The following ZBTB20 variants were observed in gnomAD, a reference collection of about 807,000 sequenced individuals.
ZBTB20 encodes zinc finger and BTB domain containing 20.
In ZBTB20, 9 loss-of-function variants were observed where a neutral mutation model predicts 56.9. The observed-to-expected ratio is 0.16, with a 90% CI of 0.10 to 0.28. The LOEUF (loss-of-function observed/expected upper bound fraction) is 0.28, where lower values mean the gene tolerates loss of function less well. ZBTB20 is among the 10% of genes least tolerant of loss of function. The pLI is 1.00. For synonymous variants in ZBTB20, 417 were observed against 420.7 expected, an observed-to-expected ratio of 0.99 and a Z score of 0.11; for missense variants, 655 against 1,003.0, an observed-to-expected ratio of 0.65 and a Z score of 4.69.
At chr3:114,706,044 C>T (rs2063698355) in intron 5 of ZBTB20, among the ~76,000 whole-genome samples, 1 of 152,036 alleles carries the variant, frequency 6.6e-6, no homozygotes, top group African/African-American at 2.4e-5. Flanking sequence ...CTACCATACT[C>T]CCATATAGGT....
At chr3:114,728,916 G>A (rs2065509059) in intron 5 of ZBTB20, among the ~76,000 whole-genome samples, 1 of 152,038 alleles carries the variant, frequency 6.6e-6, no homozygotes, top group Admixed American at 6.6e-5. Flanking sequence ...GTCCTCAGGG[G>A]AGGGCAGTGT....
chr3:114,865,863 T>C (rs2075744497), intron 4 of ZBTB20, among the ~76,000 whole-genome samples: 1 of 152,210 alleles, frequency 6.6e-6, no homozygotes, highest in South Asian at 2.1e-4. Flanking sequence ...TACTATTTCA[T>C]TTCTGTTTTA....
chr3:114,553,208 T>C (rs568494292), intron 6 of ZBTB20, among the ~76,000 whole-genome samples: 49 of 152,302 alleles, frequency 3.2e-4, no homozygotes, highest in Non-Finnish European at 6.0e-4. Flanking sequence ...AACTCCACCA[T>C]TTTATACTCT....
intron 4 of ZBTB20, among the ~76,000 whole-genome samples, chr3:114,889,402 CAAAAGGTTCTT>C (rs2076723940): frequency 1.3e-5 from 2 of 151,878 alleles, no homozygotes. Flanking sequence ...AAGGTGGGAA[CAAAAGGTTCTT>C]ACAACTCAGA....
At chr3:114,582,678 C>A (rs150843547) in intron 6 of ZBTB20, among the ~76,000 whole-genome samples, 2 of 152,260 alleles carry the variant, frequency 1.3e-5, no homozygotes, top group East Asian at 3.9e-4. Context: ...CCATGCCCAG[C>A]CTGTGTTTTA....
At chr3:115,065,809 T>C (rs1203933692) in intron 2 of ZBTB20, among the ~76,000 whole-genome samples, 3 of 152,174 alleles carry the variant, frequency 2.0e-5, no homozygotes, top group Non-Finnish European at 2.9e-5. Context: ...ATCCATACAT[T>C]TGGTATTTGA....
intron 2 of ZBTB20, among the ~76,000 whole-genome samples, chr3:114,994,393 T>A (rs1291675040): frequency 6.6e-6 from 1 of 151,916 alleles, no homozygotes; most frequent in South Asian, 2.1e-4. Flanking sequence ...TGATATAAAC[T>A]ATTACAGAAA....
intron 4 of ZBTB20, among the ~76,000 whole-genome samples, chr3:114,832,323 C>T (rs1560299072): frequency 6.6e-6 from 1 of 152,018 alleles, no homozygotes; most frequent in Non-Finnish European, 1.5e-5. Flanking sequence ...CTTTTACCTA[C>T]CAAAATCACC....
rs186848256 is a variant in ZBTB20 at position 114,939,025 on chromosome 3, C to G, written c.-456+35341G>C. On this transcript the variant is annotated intron_variant, in intron 3 of 11. Transcript: ENST00000675478. ...GGTATTCCTGACATGTTCAGTCACTCGGTGGAAGCAGCCCCAAAGAAGGAT... is the reference window on the plus strand; with the variant it reads ...GGTATTCCTGACATGTTCAGTCACTGGGTGGAAGCAGCCCCAAAGAAGGAT... Among the ~76,000 whole-genome samples the G allele has an allele frequency of 5.9e-4, 86 of 145,160 alleles. 3 individuals carry two copies. In the East Asian group the frequency reaches 0.015, roughly 25 times the overall value.
At chr3:114,673,301 A>G (rs1353878486) in intron 6 of ZBTB20, among the ~76,000 whole-genome samples, 5 of 152,100 alleles carry the variant, frequency 3.3e-5, no homozygotes, top group Admixed American at 3.3e-4. Flanking sequence ...CTTCCGTAGA[A>G]TTTCATTTAT....
chr3:115,093,868 AATTT>A (rs2083287094), intron 1 of ZBTB20, among the ~76,000 whole-genome samples: 1 of 152,078 alleles, frequency 6.6e-6, no homozygotes, highest in African/African-American at 2.4e-5. Flanking sequence ...GTGCAGAGGG[AATTT>A]ATATAGATCT....
chr3:114,322,475 G>A lies in ZBTB20; in HGVS notation c.*16530C>T, dbSNP rs1445518211. The A allele has an allele frequency of 6.6e-6, 1 of 152,126 alleles. No homozygotes were observed. The highest frequency in any genetic ancestry group is 6.5e-5 in the Admixed American group (1 of 15,270). 9.4% of individuals were successfully genotyped at this position (152,126 alleles called of 1,614,324 possible). A position where few individuals can be genotyped will look rare whatever the true frequency, so the allele number is the denominator to read the frequency against. ...TTTTTTCTGGGAGAGAGGAAATTGCGATCTGAAGATTAAAATCTTTGGTGA... is the reference window on the plus strand; with the variant it reads ...TTTTTTCTGGGAGAGAGGAAATTGCAATCTGAAGATTAAAATCTTTGGTGA... On this transcript the variant is annotated 3_prime_UTR_variant, in exon 12 of 12. Transcript: ENST00000675478.
intron 7 of ZBTB20, among the ~76,000 whole-genome samples, chr3:114,475,001 A>C (rs923547348): frequency 3.3e-5 from 5 of 152,092 alleles, no homozygotes; most frequent in African/African-American, 1.2e-4. Context: ...AACTTTCAAT[A>C]GCTCCCCACT....
Position 114,548,391 on chromosome 3 carries a change from C to T in ZBTB20, c.-294-48000G>A, listed in dbSNP as rs139648307. ...CTCATTTCTCTCATGCAACTTCTGT[C>T]TAAGGATGGGAAGAGACCTAAGAGA... On this transcript the variant is annotated intron_variant, in intron 6 of 11. Coordinates refer to ENST00000675478, the MANE Select transcript of ZBTB20 (RefSeq NM_001348800.3). Among the ~76,000 whole-genome samples the T allele has an allele frequency of 1.9e-4, 29 of 152,242 alleles. No individual in the cohort carries two copies. In the East Asian group the frequency reaches 5.6e-3, roughly 29 times the overall value.
At chr3:114,760,314 C>A (rs2068343071) in intron 5 of ZBTB20, among the ~76,000 whole-genome samples, 1 of 152,084 alleles carries the variant, frequency 6.6e-6, no homozygotes, top group African/African-American at 2.4e-5. Context: ...AATTTAGTCA[C>A]CAGACTCTAA....
At chr3:114,662,116 C>T (rs2060768447) in intron 6 of ZBTB20, among the ~76,000 whole-genome samples, 1 of 144,920 alleles carries the variant, frequency 6.9e-6, no homozygotes, top group South Asian at 2.2e-4. Context: ...CATGTGATCT[C>T]ATTGTTCAAT....
At chr3:114,443,541 A>C (rs1408581145) in intron 7 of ZBTB20, among the ~76,000 whole-genome samples, 1 of 152,192 alleles carries the variant, frequency 6.6e-6, no homozygotes, top group Non-Finnish European at 1.5e-5. Context: ...GGATCTTTGT[A>C]GGGAAATAAT....
At chr3:114,911,393 C>T (rs1576303091) in intron 3 of ZBTB20, among the ~76,000 whole-genome samples, 1 of 151,998 alleles carries the variant, frequency 6.6e-6, no homozygotes, top group East Asian at 1.9e-4. Context: ...GGAGCTCCCA[C>T]TTAGCTCCAG....
At chr3:114,962,264 A>G (rs1463311363) in intron 3 of ZBTB20, among the ~76,000 whole-genome samples, 1 of 152,118 alleles carries the variant, frequency 6.6e-6, no homozygotes, top group Non-Finnish European at 1.5e-5. Flanking sequence ...TATTAAACCT[A>G]AACTGTGGTT....
Sources: allele counts gnomAD v4.1 joint callset (sites outside exome capture counted in the v4.1 genomes callset), GRCh38; gene constraint gnomAD v4.1.1; transcripts MANE v1.5; gene names NCBI Gene and HGNC (gene_info 2026-07-23, HGNC 2026-07-21).